PLD5: variants seen among roughly 807,000 people sequenced by gnomAD.
PLD5 encodes inactive phospholipase D5.
A neutral mutation model predicts 61.1 loss-of-function variants in PLD5; 36 were observed. The ratio of observed to expected loss-of-function variants is 0.59; its 90% confidence interval spans 0.45 to 0.78. PLD5 has a LOEUF of 0.78. PLD5 is among the 30% of genes least tolerant of loss of function. PLD5 has a pLI of 0.00. For synonymous variants in PLD5, 243 were observed against 242.8 expected, an observed-to-expected ratio of 1.00 and a Z score of -0.01; for missense variants, 515 against 644.4, an observed-to-expected ratio of 0.80 and a Z score of 2.17.
intron 5 of PLD5, among the ~76,000 whole-genome samples, chr1:242,158,783 A>G (rs316839): frequency 0.11 from 16,494 of 151,610 alleles, 1,431 homozygotes; most frequent in African/African-American, 0.24. Flanking sequence ...TCAGTCTCCT[A>G]TTTTTTCTTT....
At chr1:242,483,701 A>C (rs1238433616) in intron 1 of PLD5, among the ~76,000 whole-genome samples, 3 of 152,198 alleles carry the variant, frequency 2.0e-5, no homozygotes, top group Non-Finnish European at 2.9e-5. Flanking sequence ...GCTCTGCACC[A>C]AGCAGACCTA....
chr1:242,393,544 A>G (rs370840538), intron 1 of PLD5, among the ~76,000 whole-genome samples: 2 of 90,942 alleles, frequency 2.2e-5, no homozygotes, highest in African/African-American at 1.0e-4. Context: ...GAGTATATAT[A>G]TGTGTATATA....
chr1:242,167,383 G>A (rs1666402099), intron 5 of PLD5, among the ~76,000 whole-genome samples: 1 of 152,202 alleles, frequency 6.6e-6, no homozygotes, highest in African/African-American at 2.4e-5. Context: ...AGCCAAGAGA[G>A]AGCATGTGCG....
chr1:242,463,640 C>T (rs986457859), intron 1 of PLD5, among the ~76,000 whole-genome samples: 2 of 152,064 alleles, frequency 1.3e-5, no homozygotes, highest in Non-Finnish European at 2.9e-5. Context: ...GTATCTAGGA[C>T]CTGCCTTCCC....
chr1:242,403,540 C>T (rs1558535986), intron 1 of PLD5, among the ~76,000 whole-genome samples: 1 of 151,560 alleles, frequency 6.6e-6, no homozygotes, highest in Admixed American at 6.6e-5. Context: ...TCTTGGCTCA[C>T]TGCAACCTCC....
In PLD5 at chr1:242,111,934, T is replaced by G. The variant is rs527403529; in HGVS notation, c.1070+1956A>C. Among the ~76,000 whole-genome samples the G allele has an allele frequency of 4.1e-4, 62 of 152,312 alleles. 1 individual carries two copies. The South Asian group carries it at 0.012, about 30-fold the overall frequency. On this transcript the variant is annotated intron_variant, in intron 7 of 9. Transcript: ENST00000536534. ...ACATTCATTTTGTTTTCTCTAGATT[T>G]TAGATTTCTAAAATATTTTAGATCC... is the stretch of plus-strand genomic sequence containing the variant.
In PLD5 at chr1:242,400,700, G is replaced by GGT. The variant is rs1663880659; in HGVS notation, c.190-52459_190-52458insAC. 2.0e-5 allele frequency among the ~76,000 whole-genome samples: 3 copies of GGT among 152,198 alleles called. No homozygotes were observed. In the South Asian group the frequency reaches 6.2e-4, roughly 32 times the overall value. The stretch of plus-strand genomic sequence containing the variant: ...TAAATCCAAGGTTCTCTGATTCCAA[G>GGT]TCCCGGGATCTTTTCCCACCACCCG... On this transcript the variant is annotated intron_variant, in intron 1 of 9. Transcript: ENST00000536534.
intron 1 of PLD5, among the ~76,000 whole-genome samples, chr1:242,394,111 T>A (rs1363707341): frequency 7.1e-6 from 1 of 141,600 alleles, no homozygotes; most frequent in African/African-American, 2.5e-5. Context: ...TGTATATATA[T>A]GAGTATATAT....
chr1:242,496,251 G>A (rs1422372965), intron 1 of PLD5, among the ~76,000 whole-genome samples: 5 of 151,946 alleles, frequency 3.3e-5, no homozygotes, highest in African/African-American at 7.2e-5. Context: ...CAAGAAGAAA[G>A]GGAAAAAAAA....
chr1:242,448,591 T>C (rs180743892), intron 1 of PLD5, among the ~76,000 whole-genome samples: 145 of 152,296 alleles, frequency 9.5e-4, no homozygotes, highest in African/African-American at 3.1e-3. Flanking sequence ...GTTTTCCTCC[T>C]TGTATCATGG....
intron 4 of PLD5, among the ~76,000 whole-genome samples, chr1:242,229,234 C>A (rs938308350): frequency 3.3e-5 from 5 of 152,138 alleles, no homozygotes; most frequent in Non-Finnish European, 5.9e-5. Context: ...AAATAAAGTT[C>A]CACATTCCCC....
At chr1:242,117,438 G>A (rs1333437042) in intron 6 of PLD5, among the ~76,000 whole-genome samples, 3 of 151,298 alleles carry the variant, frequency 2.0e-5, no homozygotes, top group African/African-American at 7.3e-5. Context: ...CTGGACTGCA[G>A]TGGTGCAATC....
At chr1:242,388,056 G>A (rs12141362) in intron 1 of PLD5, among the ~76,000 whole-genome samples, 66,501 of 151,954 alleles carry the variant, frequency 0.44, 14,924 homozygotes, top group East Asian at 0.57. Flanking sequence ...CATTTTCAGA[G>A]GGACAACAGA....
At chr1:242,257,058 A>ATCTATCTC (rs978092838) in intron 4 of PLD5, among the ~76,000 whole-genome samples, 1 of 150,360 alleles carries the variant, frequency 6.7e-6, no homozygotes, top group Non-Finnish European at 1.5e-5. Context: ...CTATCTATCT[A>ATCTATCTC]TCTATCTATC....
intron 5 of PLD5, among the ~76,000 whole-genome samples, chr1:242,127,312 A>G (rs939285095): frequency 6.6e-6 from 1 of 152,206 alleles, no homozygotes; most frequent in African/African-American, 2.4e-5. Flanking sequence ...GTATCTACCC[A>G]GAGGAAAAGA....
intron 1 of PLD5, among the ~76,000 whole-genome samples, chr1:242,399,257 G>T (rs182326893): frequency 2.4e-4 from 37 of 152,312 alleles, no homozygotes; most frequent in Non-Finnish European, 3.4e-4. Context: ...GCTGTAATAA[G>T]TGTCACTGTA....
At chr1:242,510,918 T>C (rs1427068394) in intron 1 of PLD5, among the ~76,000 whole-genome samples, 1 of 152,208 alleles carries the variant, frequency 6.6e-6, no homozygotes. Flanking sequence ...ACCAGATATA[T>C]TAAATGACTA....
At chr1:242,095,583 G>C (rs1660163628) in intron 9 of PLD5, among the ~76,000 whole-genome samples, 1 of 152,046 alleles carries the variant, frequency 6.6e-6, no homozygotes, top group South Asian at 2.1e-4. Flanking sequence ...CTGGTTTCAG[G>C]TATTTATTTT....
At chr1:242,346,804 C>G (rs1233475449) in intron 2 of PLD5, among the ~76,000 whole-genome samples, 1 of 152,166 alleles carries the variant, frequency 6.6e-6, no homozygotes, top group Admixed American at 6.5e-5. Context: ...TCTCCGTCCT[C>G]CCACCCCTGA....
Sources: gnomAD v4.1 joint callset for allele counts (sites outside exome capture counted in the v4.1 genomes callset) on GRCh38, gnomAD v4.1.1 for gene constraint, MANE v1.5 for transcripts, NCBI Gene and HGNC (gene_info 2026-07-23, HGNC 2026-07-21) for gene names.